The following MGAT4B variants were observed in gnomAD, a reference collection of about 807,000 sequenced individuals.
MGAT4B encodes the protein N-acetylglucosaminyltransferase IVb.
MGAT4B carries 38 observed loss-of-function variants against 73.9 expected under a neutral mutation model. The ratio of observed to expected loss-of-function variants is 0.51; its 90% CI spans 0.40 to 0.67. The LOEUF (loss-of-function observed/expected upper bound fraction) is 0.67, where lower values mean the gene tolerates loss of function less well. Ranked by LOEUF, MGAT4B falls within the 30% of genes least tolerant of loss-of-function variation. The probability of loss-of-function intolerance (pLI) is 0.00; values close to 1 mark genes in which losing one functional copy is unlikely to be tolerated. For synonymous variants in MGAT4B, 373 were observed against 313.5 expected (o/e 1.19, Z -2.01); for missense variants, 686 against 735.2 (o/e 0.93, Z 0.77).
chr5:179,804,914 G>A (rs994040472), intron 1 of MGAT4B: 2 of 152,230 alleles, frequency 1.3e-5, no homozygotes, highest in Non-Finnish European at 2.9e-5. Flanking sequence ...CTCGACAAGG[G>A]AGGCCTATGT....
chr5:179,798,142 G>A (rs761119315), intron 14 of MGAT4B, 23 bp downstream of exon 14: 1 of 1,590,100 alleles, frequency 6.3e-7, no homozygotes, highest in Non-Finnish European at 8.6e-7. Flanking sequence ...CCCCGTGCCT[G>A]GCCTGGCCCT....
intron 1 of MGAT4B, chr5:179,803,248 C>T: frequency 1.0e-6 from 1 of 985,388 alleles, no homozygotes; most frequent in Non-Finnish European, 1.2e-6. Flanking sequence ...CCCTGCCTCT[C>T]TGGGGCTAAA....
chr5:179,799,852 CCACCTGGGCAAAGGCTCACAGTGGACA>C, intron 8 of MGAT4B, 75 bp downstream of exon 8: 1 of 1,321,532 alleles, frequency 7.6e-7, no homozygotes, highest in Non-Finnish European at 1.1e-6. Flanking sequence ...CAGGCAGGGC[CCACCTGGGCAAAGGCTCACAGTGGACA>C]CAGTGGGACT....
chr5:179,799,773 GTGA>G (rs2043603166), intron 8 of MGAT4B, 137 bp from the exon 9 acceptor site: 4 of 1,367,892 alleles, frequency 2.9e-6, no homozygotes, highest in Admixed American at 3.6e-5. Flanking sequence ...AGGCAGACAG[GTGA>G]TGAGGGCAGA....
At chr5:179,803,395 G>A (rs1757025812) in intron 1 of MGAT4B, 1 of 446,012 alleles carries the variant, frequency 2.2e-6, no homozygotes. Flanking sequence ...TGCAGAGCTG[G>A]CTATCCCCAG....
In MGAT4B at chr5:179,797,969, CG is replaced by C. The variant is rs1756721400; in HGVS notation, c.*75del. 14 of 1,541,152 alleles carry C rather than the reference CG, an allele frequency of 9.1e-6. No individual in the cohort carries two copies. In the East Asian group the frequency reaches 3.1e-4, roughly 34 times the overall value. ...TTGGGCGGGGCCGTATCTGGCCCTC[CG>C]GGGACGGCAGTGACGACACCCCCAG... On this transcript the variant is annotated 3_prime_UTR_variant, in exon 15 of 15. Coordinates refer to ENST00000292591, the MANE Select transcript of MGAT4B (RefSeq NM_014275.5).
chr5:179,805,128 T>C (rs371359173), intron 1 of MGAT4B: 1 of 152,360 alleles, frequency 6.6e-6, no homozygotes, highest in East Asian at 1.9e-4. Flanking sequence ...CTCCCTGTGG[T>C]AAGCCAGGCT....
Position 179,798,193 on chromosome 5 carries a change from T to C in MGAT4B, c.1595A>G (p.Asp532Gly). Residue 532 changes from aspartate (D) to glycine (G), a missense_variant, in exon 14 of 15, where the codon GAC becomes GGC. Transcript: ENST00000292591. The part of the protein sequence containing the change: ...LEALRLSIQT[D>G]SPVWVILSEI... ...GCTCAGAATCACCCACACAGGGGAG[T>C]CCGTCTGGATCGAGAGGCGCAGTGC... 1 of 1,595,844 alleles carries C rather than the reference T, an allele frequency of 6.3e-7. No individual in the cohort carries two copies. Among genetic ancestry groups the C allele is most frequent in the Non-Finnish European group, 8.5e-7 (1 of 1,170,076 alleles).
intron 1 of MGAT4B, chr5:179,802,912 C>T: frequency 1.0e-6 from 1 of 985,436 alleles, no homozygotes; most frequent in Non-Finnish European, 1.2e-6. Flanking sequence ...TTCCAAGTCT[C>T]CAAGTTTAAG....
chr5:179,798,567 G>C lies in MGAT4B; in HGVS notation c.1368C>G (p.Ile456Met). The change falls in exon 12 of 15, where the codon ATC (isoleucine) becomes ATG (methionine). Residue 456 changes from isoleucine to methionine, a missense_variant. This residue lies in a region of MGAT4B where 449 missense variants were observed against 536.8 expected (regional missense o/e 0.84). Transcript: ENST00000292591. ...LERFFFRSGN[I>M]EHPEDKLFNT... Reference sequence around the variant, plus strand: ...TGAAGAGCTTGTCCTCCGGGTGCTCGATGTTCCCACTGCGGAAGAAGAACC... The same window carrying C: ...TGAAGAGCTTGTCCTCCGGGTGCTCCATGTTCCCACTGCGGAAGAAGAACC... The C allele has an allele frequency of 1.9e-6, 3 of 1,613,502 alleles. No homozygotes were observed. Among genetic ancestry groups the C allele is most frequent in the Non-Finnish European group, 2.5e-6 (3 of 1,180,004 alleles).
In MGAT4B at chr5:179,800,026, T is replaced by G; in HGVS notation, c.838A>C (p.Met280Leu). 2.5e-6 allele frequency: 4 copies of G among 1,614,030 alleles called. No homozygotes were observed. The highest frequency in any genetic ancestry group is 3.4e-6 in the Non-Finnish European group (4 of 1,180,018). The stretch of plus-strand genomic sequence containing the variant: ...GGCTGCTGCAGTGCAAAGTTCTTCA[T>G]GGTGCTCAGGTAGTTGGGCTTGGCC... ...IVAKPNYLST[M>L]KNFALQQPSE... The change falls in exon 8 of 15, where the codon ATG becomes CTG. Residue 280 changes from methionine (M) to leucine (L), a missense_variant. Physicochemically the swap from Met to Leu is conservative, Grantham distance 15. Coordinates refer to ENST00000292591, the MANE Select transcript of MGAT4B (RefSeq NM_014275.5).
In MGAT4B at chr5:179,801,035, T is replaced by C. The variant is rs1581975259; in HGVS notation, c.559-82A>G. 1.8e-5 allele frequency: 28 copies of C among 1,517,458 alleles called. No individual in the cohort carries two copies. The highest frequency in any genetic ancestry group is 2.4e-5 in the Non-Finnish European group (26 of 1,096,654). The allele number at this position is 1,517,458 out of a possible 1,614,324, so 94.0% of individuals were successfully genotyped here. A position where few individuals can be genotyped will look rare whatever the true frequency, so the allele number is the denominator to read the frequency against. ...AGGGCTTGGAGAAGGGGCACAGGCT[T>C]CAGATGCCCCCCACGTGGAGGGAGT... On this transcript the variant is annotated intron_variant, in intron 4 of 14. Transcript: ENST00000292591. This position sits in a 1 kb window ranked among gnomAD's most constrained non-coding sequence, Gnocchi z 4.8.
chr5:179,805,461 G>A (rs1402326109), intron 1 of MGAT4B: 1 of 152,442 alleles, frequency 6.6e-6, no homozygotes, highest in East Asian at 1.9e-4. Context: ...TCCCCGCAGA[G>A]TCCCTGGGTG....
At chr5:179,803,311 G>C (rs1757023788) in intron 1 of MGAT4B, 1 of 977,304 alleles carries the variant, frequency 1.0e-6, no homozygotes, top group Admixed American at 6.1e-5. Context: ...GGAAAGGGGA[G>C]TCAGATTACT....
Position 179,801,575 on chromosome 5 carries a change from C to T in MGAT4B, c.403G>A (p.Val135Met), listed in dbSNP as rs777112297. ...KESSLQPAVR[V>M]GQGRTGVSVV... Reference sequence around the variant, plus strand: ...ATACCTCCGGTGCGGCCCTGGCCCACGCGCACCGCGGGCTGCAGACTGCTC... The same window carrying T: ...ATACCTCCGGTGCGGCCCTGGCCCATGCGCACCGCGGGCTGCAGACTGCTC... Residue 135 changes from valine (V) to methionine (M), a missense_variant, in exon 3 of 15, where the codon GTG becomes ATG. Transcript: ENST00000292591. The surrounding 1 kb of genome is among the most constrained non-coding windows in gnomAD (Gnocchi z 4.8). The T allele has an allele frequency of 4.2e-5, 67 of 1,607,094 alleles. No homozygotes were observed. The highest frequency in any genetic ancestry group is 6.6e-5 in the South Asian group (6 of 90,238).
At chr5:179,800,791 C>T (rs1756885721) in intron 5 of MGAT4B, 116 bp downstream of exon 5, 10 of 1,234,398 alleles carry the variant, frequency 8.1e-6, no homozygotes, top group Non-Finnish European at 1.2e-5. Flanking sequence ...CCACCAGGTC[C>T]CTGCCTCCCC....
chr5:179,800,129 T>TCGCAGGGCAGGGTGG, intron 7 of MGAT4B, 55 bp downstream of exon 7: 1 of 1,610,798 alleles, frequency 6.2e-7, no homozygotes. Flanking sequence ...ACCAGACCCA[T>TCGCAGGGCAGGGTGG]CGCAGGGCAG....
At position 179,799,945 on chromosome 5, in the gene MGAT4B, G is replaced by A. The variant is rs1170636625; in HGVS notation, c.910+9C>T. ...TGAAAGGCACCGTCAGGTAAGGGGA[G>A]GGGCACACCAATGAAGCCCAGCTGG... On this transcript the variant is annotated intron_variant, in intron 8 of 14. Coordinates refer to ENST00000292591, the MANE Select transcript of MGAT4B (RefSeq NM_014275.5). 6.2e-7 allele frequency: 1 copy of A among 1,603,720 alleles called. No individual in the cohort carries two copies. The highest frequency in any genetic ancestry group is 2.2e-5 in the East Asian group (1 of 44,820).
chr5:179,798,089 G>A (rs753934806), intron 14 of MGAT4B, 21 bp from the exon 15 acceptor site: 2 of 1,608,066 alleles, frequency 1.2e-6, no homozygotes, highest in South Asian at 2.2e-5. Flanking sequence ...CGGACCCAGG[G>A]TCAGCAGGGC....
Sources: gnomAD v4.1 joint callset for allele counts on GRCh38, gnomAD v4.1.1 for gene constraint, gnomAD v4.1.1 regional missense constraint, Gnocchi (gnomAD v3.1) non-coding constraint, MANE v1.5 for transcripts, NCBI Gene and HGNC (gene_info 2026-07-23, HGNC 2026-07-21) for gene names.